Variants in DZIP3 observed in about 807,000 individuals in gnomAD.
DZIP3 encodes DAZ interacting zinc finger protein 3, also known as E3 ubiquitin-protein ligase DZIP3.
A neutral mutation model predicts 162.0 loss-of-function variants in DZIP3; 118 were observed. That is an observed-to-expected ratio of 0.73 (90% CI 0.63 to 0.85). The LOEUF (loss-of-function observed/expected upper bound fraction) is 0.85, where lower values mean the gene tolerates loss of function less well. Among genes scored for constraint, DZIP3 ranks in the 40% least tolerant of loss-of-function variants. The pLI is 0.00. For synonymous variants in DZIP3, 438 were observed against 458.6 expected (o/e 0.96, Z 0.57); for missense variants, 1,331 against 1,407.0 (o/e 0.95, Z 0.86).
intron 2 of DZIP3, among the ~76,000 whole-genome samples, chr3:108,606,785 G>T (rs1940401720): frequency 1.3e-5 from 2 of 152,164 alleles, no homozygotes; most frequent in Admixed American, 1.3e-4. Context: ...ATTTGTAATG[G>T]AGCCTATAGA....
At chr3:108,601,630 C>T (rs1380606968) in intron 1 of DZIP3, among the ~76,000 whole-genome samples, 1 of 152,172 alleles carries the variant, frequency 6.6e-6, no homozygotes, top group African/African-American at 2.4e-5. Flanking sequence ...TCCACCCACA[C>T]TTTGAAATGT....
At chr3:108,639,785 T>C (rs1433490994) in intron 12 of DZIP3, among the ~76,000 whole-genome samples, 1 of 151,962 alleles carries the variant, frequency 6.6e-6, no homozygotes, top group East Asian at 1.9e-4. Context: ...TTAAATTTCA[T>C]TGATGTTTGT....
intron 25 of DZIP3, among the ~76,000 whole-genome samples, chr3:108,676,577 T>C (rs1944118270): frequency 6.6e-6 from 1 of 152,056 alleles, no homozygotes; most frequent in South Asian, 2.1e-4. Flanking sequence ...TGATAGATAA[T>C]GTTGATTTTT....
At chr3:108,667,003 G>A (rs1943708722) in intron 21 of DZIP3, among the ~76,000 whole-genome samples, 1 of 151,972 alleles carries the variant, frequency 6.6e-6, no homozygotes, top group South Asian at 2.1e-4. Context: ...AAAGCAAGCA[G>A]GAGGAAATAA....
chr3:108,615,436 A>G (rs560585614), intron 4 of DZIP3, among the ~76,000 whole-genome samples: 1 of 152,294 alleles, frequency 6.6e-6, no homozygotes, highest in Admixed American at 6.5e-5. Context: ...CAGTATGTAG[A>G]CACTATTTAA....
At chr3:108,635,875 G>C (rs1271151650) in intron 10 of DZIP3, among the ~76,000 whole-genome samples, 1 of 151,636 alleles carries the variant, frequency 6.6e-6, no homozygotes, top group African/African-American at 2.4e-5. Flanking sequence ...AAGCAATTGT[G>C]GTGTAGTAGA....
intron 2 of DZIP3, 81 bp downstream of exon 2, chr3:108,605,519 G>T: frequency 7.0e-7 from 1 of 1,438,240 alleles, no homozygotes; most frequent in South Asian, 1.2e-5. Flanking sequence ...GTGGGGGTGC[G>T]GGGAATGGTT....
chr3:108,686,606 G>A (rs199886293), intron 28 of DZIP3, 22 bp downstream of exon 28: 984 of 1,578,658 alleles, frequency 6.2e-4, no homozygotes, highest in Non-Finnish European at 6.5e-4. Flanking sequence ...TTTATTTATT[G>A]GTGGGTACAG....
At chr3:108,635,553 TTATA>T (rs1559745822) in intron 10 of DZIP3, among the ~76,000 whole-genome samples, 2 of 147,572 alleles carry the variant, frequency 1.4e-5, no homozygotes, top group African/African-American at 2.5e-5. Context: ...TAAGTTATAA[TTATA>T]TATAACTGTA....
Position 108,677,584 on chromosome 3 carries a change from A to G in DZIP3, c.2869A>G (p.Ser957Gly), listed in dbSNP as rs754341021. Reference sequence around the variant, plus strand: ...AGTCCAGCTTCCTCCTCCACCACCCAGTCCTGAGATACTGGTAAGAAATAC... The same window carrying G: ...AGTCCAGCTTCCTCCTCCACCACCCGGTCCTGAGATACTGGTAAGAAATAC... Reference protein sequence around the residue: ...PPVQLPPPPPSPEILMQQFLG... With the variant: ...PPVQLPPPPPGPEILMQQFLG... Residue 957 changes from serine (S) to glycine (G), a missense_variant, in exon 26 of 33, where the codon AGT becomes GGT. Coordinates refer to ENST00000361582, the MANE Select transcript of DZIP3 (RefSeq NM_014648.4). 4.3e-6 allele frequency: 7 copies of G among 1,612,006 alleles called. No individual in the cohort carries two copies. The African/African-American group carries it at 8.0e-5, about 18-fold the overall frequency.
At chr3:108,674,629 T>C (rs1944038430) in intron 24 of DZIP3, among the ~76,000 whole-genome samples, 1 of 151,954 alleles carries the variant, frequency 6.6e-6, no homozygotes, top group Non-Finnish European at 1.5e-5. Context: ...GTAATGATTT[T>C]AAACACCTAC....
chr3:108,690,751 A>G, intron 31 of DZIP3, 36 bp from the exon 32 acceptor site: 3 of 1,593,352 alleles, frequency 1.9e-6, no homozygotes, highest in Non-Finnish European at 2.6e-6. Flanking sequence ...GCTAGGCTAC[A>G]TCTGAGAGAC....
intron 27 of DZIP3, among the ~76,000 whole-genome samples, chr3:108,684,820 A>G (rs1944442140): frequency 6.6e-6 from 1 of 152,150 alleles, no homozygotes; most frequent in African/African-American, 2.4e-5. Context: ...TTGAAACATA[A>G]ACTGTAAAGT....
intron 1 of DZIP3, among the ~76,000 whole-genome samples, chr3:108,597,759 C>A (rs149861047): frequency 3.9e-5 from 6 of 152,024 alleles, no homozygotes; most frequent in African/African-American, 1.2e-4. Flanking sequence ...AATATTAAAA[C>A]GTTTTTTACT....
chr3:108,619,092 C>T (rs997021265), intron 5 of DZIP3, among the ~76,000 whole-genome samples: 3 of 139,510 alleles, frequency 2.2e-5, no homozygotes, highest in African/African-American at 7.9e-5. Context: ...AAAAAGAAAG[C>T]TTATATCCTA....
At chr3:108,646,304 C>G (rs1485763023) in intron 14 of DZIP3, among the ~76,000 whole-genome samples, 1 of 152,098 alleles carries the variant, frequency 6.6e-6, no homozygotes, top group Non-Finnish European at 1.5e-5. Flanking sequence ...GTGTAATTAA[C>G]TATTATTTCA....
upstream of DZIP3, chr3:108,589,524 C>T (rs889696228): frequency 3.7e-6 from 2 of 545,658 alleles, no homozygotes; most frequent in African/African-American, 1.9e-5. Flanking sequence ...CCTAGGCACC[C>T]TAGGGGACCG....
At chr3:108,662,881 C>T (rs904407506) in intron 21 of DZIP3, among the ~76,000 whole-genome samples, 2 of 152,162 alleles carry the variant, frequency 1.3e-5, no homozygotes, top group South Asian at 4.1e-4. Context: ...TAGTTTGTAG[C>T]ACATTATTTT....
chr3:108,653,494 A>ATT (rs1278161339), intron 18 of DZIP3, among the ~76,000 whole-genome samples: 4 of 80,288 alleles, frequency 5.0e-5, no homozygotes, highest in African/African-American at 1.4e-4. Context: ...GTTAATTGCC[A>ATT]TTGTGTGTGT....
Sources: gnomAD v4.1 joint callset for allele counts (sites outside exome capture counted in the v4.1 genomes callset) on GRCh38, gnomAD v4.1.1 for gene constraint, MANE v1.5 for transcripts, NCBI Gene and HGNC (gene_info 2026-07-23, HGNC 2026-07-21) for gene names.